MTMR2: variants seen among roughly 807,000 people sequenced by gnomAD.
MTMR2 encodes phosphatidylinositol-3,5-bisphosphate 3-phosphatase MTMR2.
In MTMR2, 55 loss-of-function variants were observed where a neutral mutation model predicts 86.9. That is an observed-to-expected ratio of 0.63 (90% CI 0.51 to 0.79). The LOEUF is 0.79. Ranked by LOEUF, MTMR2 falls within the 30% of genes least tolerant of loss-of-function variation. MTMR2 has a pLI of 0.00. For synonymous variants in MTMR2, 241 were observed against 266.8 expected (o/e 0.90, Z 0.94); for missense variants, 659 against 772.3 (o/e 0.85, Z 1.74).
At chr11:95,888,994 A>G (rs766630302) in intron 1 of MTMR2, among the ~76,000 whole-genome samples, 2 of 152,222 alleles carry the variant, frequency 1.3e-5, no homozygotes, top group African/African-American at 4.8e-5. Flanking sequence ...TGGATAAAAG[A>G]GCAGATGAGG....
chr11:95,839,121 C>T (rs1488807426), intron 12 of MTMR2, among the ~76,000 whole-genome samples: 5 of 151,798 alleles, frequency 3.3e-5, no homozygotes, highest in Admixed American at 6.6e-5. Context: ...GTAAATGGAA[C>T]ATGGATGAAA....
At chr11:95,915,052 T>TC (rs1198831677) in intron 1 of MTMR2, among the ~76,000 whole-genome samples, 2 of 152,198 alleles carry the variant, frequency 1.3e-5, no homozygotes, top group African/African-American at 4.8e-5. Context: ...ACTATAACTG[T>TC]CTACCACTAG....
chr11:95,873,030 G>A (rs1864954390), intron 2 of MTMR2, among the ~76,000 whole-genome samples: 1 of 152,154 alleles, frequency 6.6e-6, no homozygotes, highest in South Asian at 2.1e-4. Flanking sequence ...GTATTTTATT[G>A]AGGATTTTTG....
intron 1 of MTMR2, among the ~76,000 whole-genome samples, chr11:95,902,456 T>G (rs1290594037): frequency 6.6e-6 from 1 of 152,158 alleles, no homozygotes; most frequent in East Asian, 1.9e-4. Context: ...CATTTGCATT[T>G]TAACATGGAC....
intron 1 of MTMR2, among the ~76,000 whole-genome samples, chr11:95,915,506 T>C (rs574076143): frequency 6.6e-6 from 1 of 152,296 alleles, no homozygotes; most frequent in South Asian, 2.1e-4. Context: ...AAAATATTAA[T>C]ATTTAAGTTA....
At chr11:95,905,804 G>T (rs1866251946) in intron 1 of MTMR2, among the ~76,000 whole-genome samples, 3 of 151,990 alleles carry the variant, frequency 2.0e-5, no homozygotes, top group Non-Finnish European at 4.4e-5. Flanking sequence ...AATAAAAATA[G>T]TAGGCCAGAT....
chr11:95,833,106 G>T lies in MTMR2; in HGVS notation c.*2184C>A, dbSNP rs1028186774. ...ATGATGCCTAAACTCTAGAAAATAG[G>T]AATTAGTCACAAGGGAGAACAGTTG... On this transcript the variant is annotated 3_prime_UTR_variant, in exon 15 of 15. Transcript: ENST00000346299. 5.3e-5 allele frequency: 8 copies of T among 152,082 alleles called. No homozygotes were observed. Among genetic ancestry groups the T allele is most frequent in the African/African-American group, 1.9e-4 (8 of 41,414 alleles). The allele number at this position is 152,082 out of a possible 1,614,324, so 9.4% of individuals were successfully genotyped here. A position where few individuals can be genotyped will look rare whatever the true frequency, so the allele number is the denominator to read the frequency against.
At chr11:95,836,045 G>T in intron 14 of MTMR2, 103 bp downstream of exon 14, 2 of 1,163,434 alleles carry the variant, frequency 1.7e-6, no homozygotes, top group Non-Finnish European at 2.6e-6. Context: ...TGGGTAAGGA[G>T]TAAAGTTTTA....
At chr11:95,835,807 CAT>C (rs1220422643) in intron 14 of MTMR2, among the ~76,000 whole-genome samples, 1 of 152,024 alleles carries the variant, frequency 6.6e-6, no homozygotes, top group African/African-American at 2.4e-5. Context: ...ATTCCATAAA[CAT>C]ATTCACAGTA....
intron 2 of MTMR2, among the ~76,000 whole-genome samples, chr11:95,873,605 T>A (rs1864980159): frequency 6.6e-6 from 1 of 151,788 alleles, no homozygotes; most frequent in African/African-American, 2.4e-5. Flanking sequence ...CCTTCAGTTC[T>A]GCTCTGATCT....
chr11:95,845,134 A>G lies in MTMR2; in HGVS notation c.1205T>C (p.Ile402Thr), dbSNP rs773118782. ...CTTCCCTGACTCTACCTTGTCAGCA[A>G]TCCTAAGAGCCCCTGCAAGAATAAG... is the stretch of plus-strand genomic sequence containing the variant. ...IKLILAGALR[I>T]ADKVESGKTS... Residue 402 changes from isoleucine (I) to threonine (T), a missense_variant, in exon 11 of 15, where the codon ATT (isoleucine) becomes ACT (threonine). Ile to Thr is a moderately conservative substitution (Grantham distance 89). Transcript: ENST00000346299. 5 of 1,613,914 alleles carry G rather than the reference A, an allele frequency of 3.1e-6. No homozygotes were observed. In the Admixed American group the frequency reaches 5.0e-5, roughly 16 times the overall value.
At chr11:95,844,901 T>A (rs1184027479) in intron 11 of MTMR2, 52 bp downstream of exon 11, 1 of 1,453,544 alleles carries the variant, frequency 6.9e-7, no homozygotes, top group East Asian at 2.3e-5. Flanking sequence ...TTTTTTCACA[T>A]GCCTTGGCAT....
At position 95,907,771 on chromosome 11, in the gene MTMR2, C is replaced by T. The variant is rs563970297; in HGVS notation, c.80+16104G>A. On this transcript the variant is annotated intron_variant, in intron 1 of 14. Transcript: ENST00000346299. ...AGACTGAAAATATAAACCATATGAT[C>T]ATCTCGACAGATGCAGAAAAGGCTT... 4 of 346,162 alleles carry T rather than the reference C, an allele frequency of 1.2e-5. 1 individual carries two copies. In the East Asian group the frequency reaches 3.3e-4, roughly 28 times the overall value. 21.4% of individuals were successfully genotyped at this position (346,162 alleles called of 1,614,324 possible). A position where few individuals can be genotyped will look rare whatever the true frequency, so the allele number is the denominator to read the frequency against.
chr11:95,908,641 C>A (rs1866383180), intron 1 of MTMR2, among the ~76,000 whole-genome samples: 1 of 151,988 alleles, frequency 6.6e-6, no homozygotes, highest in African/African-American at 2.4e-5. Context: ...ACAAAAACAA[C>A]AGACACACAG....
At chr11:95,847,951 A>G (rs750161281) in intron 9 of MTMR2, 52 bp from the exon 10 acceptor site, 1 of 1,500,512 alleles carries the variant, frequency 6.7e-7, no homozygotes, top group South Asian at 1.1e-5. Flanking sequence ...ACATCTGTAA[A>G]CAAGTGACAT....
chr11:95,850,407 TCA>T (rs1863972356), intron 8 of MTMR2, among the ~76,000 whole-genome samples, 191 bp downstream of exon 8: 1 of 152,210 alleles, frequency 6.6e-6, no homozygotes, highest in South Asian at 2.1e-4. Flanking sequence ...AATACCCATA[TCA>T]CACTCTCTGG....
At chr11:95,881,128 CT>C (rs534452778) in intron 2 of MTMR2, among the ~76,000 whole-genome samples, 4,809 of 145,790 alleles carry the variant, frequency 0.033, 133 homozygotes, top group South Asian at 0.079. Context: ...GAAATTCAAC[CT>C]TTTTTTTTTT....
chr11:95,873,057 G>C lies in MTMR2; in HGVS notation c.187-7381C>G, dbSNP rs1202001247. Among the ~76,000 whole-genome samples the C allele has an allele frequency of 3.9e-5, 6 of 152,164 alleles. No individual in the cohort carries two copies. The South Asian group carries it at 8.3e-4, about 21-fold the overall frequency. On this transcript the variant is annotated intron_variant, in intron 2 of 14. Coordinates refer to ENST00000346299, the MANE Select transcript of MTMR2 (RefSeq NM_016156.6). ...GGATTTTTGCATCAATGTTCATCAG[G>C]AATACTGGTCTAAAATTCTCTTTTT...
At chr11:95,845,910 T>C (rs1163491802) in intron 10 of MTMR2, among the ~76,000 whole-genome samples, 1 of 79,734 alleles carries the variant, frequency 1.3e-5, no homozygotes, top group Non-Finnish European at 2.5e-5. Context: ...AAAAGGACAA[T>C]ACAGCCCTAT....
Sources: gnomAD v4.1 joint callset for allele counts (sites outside exome capture counted in the v4.1 genomes callset) on GRCh38, gnomAD v4.1.1 for gene constraint, MANE v1.5 for transcripts, NCBI Gene and HGNC (gene_info 2026-07-23, HGNC 2026-07-21) for gene names.